Variants in PDLIM2 observed in about 807,000 individuals in gnomAD.
PDLIM2 encodes PDZ and LIM domain protein 2.
PDLIM2 carries 51 observed loss-of-function variants against 54.1 expected under a neutral mutation model. That is an observed-to-expected ratio of 0.94 (90% CI 0.75 to 1.19). The LOEUF (loss-of-function observed/expected upper bound fraction) is 1.19, where lower values mean the gene tolerates loss of function less well. Among genes scored for constraint, PDLIM2 ranks in the 50% most tolerant of loss-of-function variants. The probability of loss-of-function intolerance (pLI) is 0.00; values close to 1 mark genes in which losing one functional copy is unlikely to be tolerated. For synonymous variants in PDLIM2, 398 were observed against 385.6 expected, an observed-to-expected ratio of 1.03 and a Z score of -0.38; for missense variants, 912 against 874.0, an observed-to-expected ratio of 1.04 and a Z score of -0.55.
chr8:22,580,966 C>A, intron 2 of PDLIM2: 1 of 669,124 alleles, frequency 1.5e-6, no homozygotes, highest in Non-Finnish European at 2.8e-6. Flanking sequence ...TTGCAGGCAG[C>A]CATTTGGGGT....
At chr8:22,596,558 G>A (rs1309316458), downstream of PDLIM2, 2 of 152,238 alleles carry the variant, frequency 1.3e-5, no homozygotes, top group African/African-American at 4.8e-5. Context: ...CACTCCCTCT[G>A]CCGCACGCCG....
exon 3 of PDLIM2, chr8:22,581,389 G>C: frequency 6.2e-7 from 1 of 1,603,266 alleles, no homozygotes; most frequent in Admixed American, 1.7e-5. Context: ...GTGGCCGAGC[G>C]GGGCAAAGCC....
downstream of PDLIM2, chr8:22,594,492 C>A (rs1420697891): frequency 6.2e-7 from 1 of 1,613,400 alleles, no homozygotes; most frequent in Non-Finnish European, 8.5e-7. Context: ...GGAGTCATGT[C>A]ATTCCTTAAC....
intron 7 of PDLIM2, 43 bp downstream of exon 6, chr8:22,589,417 C>T: frequency 6.5e-7 from 1 of 1,533,840 alleles, no homozygotes; most frequent in Non-Finnish European, 8.8e-7. Flanking sequence ...TCTTGGAAGG[C>T]TGGGAGGGGC....
chr8:22,585,199 C>T (rs200239252), intron 5 of PDLIM2, 37 bp downstream of exon 4: 41 of 1,608,084 alleles, frequency 2.5e-5, no homozygotes, highest in East Asian at 6.7e-5. Context: ...TGGTCGCCTG[C>T]GCTGCCAGCT....
chr8:22,587,589 T>C (rs539425631), intron 6 of PDLIM2: 12 of 152,368 alleles, frequency 7.9e-5, no homozygotes, highest in African/African-American at 1.4e-4. Flanking sequence ...AAGCTCATGA[T>C]GGGCAGGTGA....
At chr8:22,589,147 T>C (rs547677562) in intron 6 of PDLIM2, 151 bp from the exon 6 acceptor site, 1 of 617,336 alleles carries the variant, frequency 1.6e-6, no homozygotes, top group Non-Finnish European at 2.8e-6. Context: ...CCCCGACACC[T>C]TGGCTCCAAG....
chr8:22,591,522 C>A, intron 8 of PDLIM2, 29 bp from the exon 8 acceptor site: 1 of 1,592,476 alleles, frequency 6.3e-7, no homozygotes, highest in Non-Finnish European at 8.6e-7. Flanking sequence ...GGTGGGCTCT[C>A]ACCACATGTC....
chr8:22,586,383 A>G (rs1366538219), intron 6 of PDLIM2, among the ~76,000 whole-genome samples: 1 of 152,234 alleles, frequency 6.6e-6, no homozygotes, highest in Non-Finnish European at 1.5e-5. Context: ...CAAACTTGCA[A>G]AACAATTTTG....
chr8:22,586,964 C>T (rs558555653), intron 6 of PDLIM2, among the ~76,000 whole-genome samples: 2 of 152,320 alleles, frequency 1.3e-5, no homozygotes, highest in African/African-American at 4.8e-5. Flanking sequence ...CCACCTCTGC[C>T]TGACGACTTG....
exon 1 of PDLIM2, chr8:22,578,991 C>A: frequency 8.0e-7 from 1 of 1,242,426 alleles, no homozygotes; most frequent in Non-Finnish European, 1.0e-6. Flanking sequence ...CCTCATCCCC[C>A]CGGCGGGCTC....
intron 8 of PDLIM2, 181 bp from the exon 8 acceptor site, chr8:22,591,370 C>G: frequency 1.6e-6 from 1 of 640,658 alleles, no homozygotes; most frequent in Admixed American, 2.3e-5. Context: ...CCTTCATGCC[C>G]TTGCCCAGCC....
intron 9 of PDLIM2, chr8:22,592,190 T>C (rs1305827713): frequency 6.7e-6 from 1 of 149,866 alleles, no homozygotes; most frequent in African/African-American, 2.5e-5. Flanking sequence ...CACGCTATTC[T>C]CGTGTCTCAG....
chr8:22,591,472 G>A, intron 8 of PDLIM2, 79 bp from the exon 8 acceptor site: 2 of 1,322,510 alleles, frequency 1.5e-6, no homozygotes, highest in East Asian at 4.6e-5. Context: ...TGCTTTCCAA[G>A]ACCACCTCCT....
chr8:22,579,132 A>T (rs1207096024), exon 1 of PDLIM2: 1 of 1,306,936 alleles, frequency 7.7e-7, no homozygotes, highest in Non-Finnish European at 9.7e-7. Context: ...CTCTCCCCAG[A>T]GTCGGGTAGA....
exon 1 of PDLIM2, chr8:22,578,917 G>A (rs1051446566): frequency 2.5e-5 from 31 of 1,238,048 alleles, no homozygotes; most frequent in African/African-American, 3.1e-5. Flanking sequence ...CGGGCGCTCC[G>A]GGGAGGATGC....
intron 8 of PDLIM2, chr8:22,591,130 G>T: frequency 4.3e-6 from 1 of 232,114 alleles, no homozygotes; most frequent in Non-Finnish European, 8.7e-6. Context: ...CAGCTGCCCC[G>T]TAGCCCTGGG....
chr8:22,589,323 C>T lies in PDLIM2; in HGVS notation c.1316C>T (p.Ser439Leu), dbSNP rs1042128318. 93 of 1,534,160 alleles carry T rather than the reference C, an allele frequency of 6.1e-5. No homozygotes were observed. Among genetic ancestry groups the T allele is most frequent in the Non-Finnish European group, 7.5e-5 (86 of 1,146,414 alleles). Residue 439 changes from serine to leucine, a missense_variant, in exon 7 of 10, where the codon TCG (serine) becomes TTG (leucine). Transcript: ENST00000308354. ...GCCGGCCTCGGCCGCGCTGGCGACT[C>T]GGCGGTGCTGGTGCTGCCGCCTTCC... is the stretch of plus-strand genomic sequence containing the variant.
chr8:22,591,260 A>C (rs1800537757), intron 8 of PDLIM2: 2 of 488,556 alleles, frequency 4.1e-6, no homozygotes, highest in Non-Finnish European at 3.7e-6. Flanking sequence ...TCACACTGTT[A>C]TTACCAGGTC....
Sources: gnomAD v4.1 joint callset for allele counts (sites outside exome capture counted in the v4.1 genomes callset) on GRCh38, gnomAD v4.1.1 for gene constraint, MANE v1.5 for transcripts, NCBI Gene and HGNC (gene_info 2026-07-23, HGNC 2026-07-21) for gene names.